DNAJC15: variants seen among roughly 807,000 people sequenced by gnomAD.
DNAJC15 encodes dnaJ homolog subfamily C member 15.
Under a neutral mutation model 22.4 loss-of-function variants are expected in DNAJC15, and 27 were observed. The ratio of observed to expected loss-of-function variants is 1.20; its 90% CI spans 0.89 to 1.66. The LOEUF (loss-of-function observed/expected upper bound fraction) is 1.66. Ranked by LOEUF, DNAJC15 falls within the 40% of genes most tolerant of loss-of-function variation. The pLI is 0.00. For synonymous variants in DNAJC15, 79 were observed against 63.2 expected (o/e 1.25, Z -1.19); for missense variants, 208 against 187.1 (o/e 1.11, Z -0.65).
At chr13:43,106,798 TA>T (rs201783442) in intron 5 of DNAJC15, among the ~76,000 whole-genome samples, 38,379 of 144,338 alleles carry the variant, frequency 0.27, 5,153 homozygotes, top group Non-Finnish European at 0.32. Flanking sequence ...AATGTGTCTT[TA>T]AAAAAAAAAA....
intron 5 of DNAJC15, among the ~76,000 whole-genome samples, chr13:43,104,043 A>G (rs1455646130): frequency 1.3e-5 from 2 of 152,196 alleles, no homozygotes; most frequent in African/African-American, 2.4e-5. Context: ...TTATTAATCA[A>G]CTTTATTGAG....
intron 1 of DNAJC15, among the ~76,000 whole-genome samples, chr13:43,062,732 T>C (rs966861596): frequency 1.2e-4 from 19 of 152,192 alleles, no homozygotes; most frequent in African/African-American, 4.3e-4. Context: ...CTTTTCTTTT[T>C]TTTGAGACAG....
At chr13:43,025,929 A>C (rs533533860) in intron 1 of DNAJC15, among the ~76,000 whole-genome samples, 5 of 152,352 alleles carry the variant, frequency 3.3e-5, no homozygotes, top group African/African-American at 1.2e-4. Context: ...ACATGTTAAC[A>C]TGTCTACAAT....
chr13:43,028,811 C>T (rs2153439342), intron 1 of DNAJC15, among the ~76,000 whole-genome samples: 1 of 152,162 alleles, frequency 6.6e-6, no homozygotes, highest in East Asian at 1.9e-4. Flanking sequence ...CTTCCCTGAC[C>T]CCAGTTCCCT....
intron 5 of DNAJC15, among the ~76,000 whole-genome samples, chr13:43,101,419 T>A (rs1283534603): frequency 1.3e-5 from 2 of 152,222 alleles, no homozygotes; most frequent in African/African-American, 2.4e-5. Flanking sequence ...GATTTATTAT[T>A]TACTTTTATT....
At chr13:43,077,242 A>G (rs2040637722) in intron 3 of DNAJC15, among the ~76,000 whole-genome samples, 1 of 152,344 alleles carries the variant, frequency 6.6e-6, no homozygotes, top group Non-Finnish European at 1.5e-5. Flanking sequence ...TTAAATGGCA[A>G]TTTGGCAGTT....
At chr13:43,038,801 G>GAAAAAAA (rs562632739) in intron 1 of DNAJC15, among the ~76,000 whole-genome samples, 1 of 107,294 alleles carries the variant, frequency 9.3e-6, no homozygotes. Context: ...CAAAAAATAG[G>GAAAAAAA]AAAAAAAAAA....
intron 1 of DNAJC15, among the ~76,000 whole-genome samples, chr13:43,057,941 A>G (rs939331232): frequency 6.6e-6 from 1 of 152,160 alleles, no homozygotes; most frequent in Non-Finnish European, 1.5e-5. Context: ...AAAGAGTCAA[A>G]CACAGATGTG....
At chr13:43,054,907 A>G (rs962728145) in intron 1 of DNAJC15, among the ~76,000 whole-genome samples, 2 of 152,178 alleles carry the variant, frequency 1.3e-5, no homozygotes, top group African/African-American at 2.4e-5. Flanking sequence ...AGCAGCCTGA[A>G]AGATCAGGCT....
In DNAJC15 at chr13:43,107,347, A is replaced by T. The variant is rs1437224182; in HGVS notation, c.*99A>T. 9.3e-6 allele frequency: 9 copies of T among 971,550 alleles called. No individual in the cohort carries two copies. The highest frequency in any genetic ancestry group is 3.4e-4 in the Middle Eastern group (1 of 2,948). The allele number at this position is 971,550 out of a possible 1,614,324, so 60.2% of individuals were successfully genotyped here. On this transcript the variant is annotated 3_prime_UTR_variant, in exon 6 of 6. Coordinates refer to ENST00000379221, the MANE Select transcript of DNAJC15 (RefSeq NM_013238.3). ...AAACATGGTCTTCTTAATTTTCTAT[A>T]TGGATTGACCACAGTCTTATCTTCC... is the stretch of plus-strand genomic sequence containing the variant.
intron 1 of DNAJC15, among the ~76,000 whole-genome samples, chr13:43,032,809 A>G (rs1429754694): frequency 6.6e-6 from 1 of 152,204 alleles, no homozygotes; most frequent in Non-Finnish European, 1.5e-5. Flanking sequence ...TGGGTGACAG[A>G]GCAAGACTCT....
At chr13:43,094,121 C>T (rs1410155960) in intron 5 of DNAJC15, among the ~76,000 whole-genome samples, 1 of 152,186 alleles carries the variant, frequency 6.6e-6, no homozygotes, top group Non-Finnish European at 1.5e-5. Flanking sequence ...CATTTTGGAA[C>T]CTGAAACCAT....
intron 1 of DNAJC15, among the ~76,000 whole-genome samples, chr13:43,064,823 T>C (rs113725995): frequency 2.6e-5 from 4 of 152,300 alleles, no homozygotes; most frequent in Non-Finnish European, 2.9e-5. Flanking sequence ...GGACATCTCC[T>C]TACCCCTCTG....
At chr13:43,053,913 CTT>C (rs2040517513) in intron 1 of DNAJC15, among the ~76,000 whole-genome samples, 3 of 152,176 alleles carry the variant, frequency 2.0e-5, no homozygotes, top group Non-Finnish European at 2.9e-5. Context: ...ATTTCCCTCT[CTT>C]GTTTGATTGC....
chr13:43,081,684 G>A (rs1032013716), intron 4 of DNAJC15, among the ~76,000 whole-genome samples: 9 of 152,006 alleles, frequency 5.9e-5, no homozygotes, highest in Non-Finnish European at 1.0e-4. Flanking sequence ...TGATCCGCCT[G>A]CCTCAGCCTC....
At chr13:43,057,273 C>A (rs1235307325) in intron 1 of DNAJC15, among the ~76,000 whole-genome samples, 19 of 152,154 alleles carry the variant, frequency 1.2e-4, no homozygotes, top group Admixed American at 1.2e-3. Context: ...AACGTAATCC[C>A]AAACTTCTTG....
At position 43,111,874 on chromosome 13, in the gene DNAJC15, C is replaced by T. The variant is rs1043781299; in HGVS notation, c.*4626C>T. On this transcript the variant is annotated 3_prime_UTR_variant, in exon 6 of 6. Transcript: ENST00000379221. ...TTAATGGCTGGATCAGTATCATCTACTTGTCAAAAACATTCCATGAATTAT... is the reference window on the plus strand; with the variant it reads ...TTAATGGCTGGATCAGTATCATCTATTTGTCAAAAACATTCCATGAATTAT... 6.6e-6 allele frequency: 1 copy of T among 152,208 alleles called. No individual in the cohort carries two copies. The highest frequency in any genetic ancestry group is 1.5e-5 in the Non-Finnish European group (1 of 68,048). The allele number at this position is 152,208 out of a possible 1,614,324, so 9.4% of individuals were successfully genotyped here.
intron 1 of DNAJC15, among the ~76,000 whole-genome samples, chr13:43,055,491 T>A (rs1753385092): frequency 6.6e-6 from 1 of 152,186 alleles, no homozygotes; most frequent in Non-Finnish European, 1.5e-5. Context: ...AGTCTGTGTG[T>A]GTAGTGTGTG....
At chr13:43,033,278 G>A (rs1426704726) in intron 1 of DNAJC15, among the ~76,000 whole-genome samples, 1 of 152,188 alleles carries the variant, frequency 6.6e-6, no homozygotes, top group African/African-American at 2.4e-5. Flanking sequence ...TTAGTCACTT[G>A]TGGTGGCACA....
Sources: allele counts gnomAD v4.1 joint callset (sites outside exome capture counted in the v4.1 genomes callset), GRCh38; gene constraint gnomAD v4.1.1; transcripts MANE v1.5; gene names NCBI Gene and HGNC (gene_info 2026-07-23, HGNC 2026-07-21).